AGK: variants seen among roughly 807,000 people sequenced by gnomAD.
AGK encodes the protein acylglycerol kinase, mitochondrial.
AGK carries 52 observed loss-of-function variants against 66.4 expected under a neutral mutation model. The ratio of observed to expected loss-of-function variants is 0.78; its 90% CI spans 0.63 to 0.99. The LOEUF (loss-of-function observed/expected upper bound fraction) is 0.99, where lower values mean the gene tolerates loss of function less well. Ranked by LOEUF, AGK falls within the 50% of genes least tolerant of loss-of-function variation. The pLI, the probability that AGK is intolerant of heterozygous loss-of-function variation, is 0.00. For missense variants in AGK, 451 were observed against 506.6 expected (o/e 0.89, Z 1.05); for synonymous variants, 182 against 181.1 (o/e 1.00, Z -0.04).
At chr7:141,608,276 G>A (rs1401463797) in intron 5 of AGK, among the ~76,000 whole-genome samples, 3 of 152,166 alleles carry the variant, frequency 2.0e-5, no homozygotes, top group East Asian at 3.9e-4. Flanking sequence ...CCTAATAGGG[G>A]TGTTATTTTA....
intron 2 of AGK, among the ~76,000 whole-genome samples, chr7:141,562,800 CT>C (rs1033568386): frequency 6.6e-6 from 1 of 152,240 alleles, no homozygotes; most frequent in Non-Finnish European, 1.5e-5. Flanking sequence ...GCAGGCAAGG[CT>C]TTCAGGCCAT....
chr7:141,579,077 A>G (rs111488245), intron 2 of AGK, among the ~76,000 whole-genome samples: 3 of 131,808 alleles, frequency 2.3e-5, no homozygotes, highest in African/African-American at 8.7e-5. Flanking sequence ...TTTGGGGCAC[A>G]GTCCAAGTTG....
chr7:141,646,173 T>C (rs1797407606), intron 13 of AGK, among the ~76,000 whole-genome samples: 2 of 151,854 alleles, frequency 1.3e-5, no homozygotes, highest in Admixed American at 6.6e-5. Context: ...GAGAGCCCCA[T>C]GGAGAGGAGA....
rs2117013133 is a variant in AGK at position 141,641,356 on chromosome 7, A to G, written c.835A>G (p.Ile279Val). The G allele has an allele frequency of 6.2e-7, 1 of 1,613,472 alleles. No homozygotes were observed. The highest frequency in any genetic ancestry group is 8.5e-7 in the Non-Finnish European group (1 of 1,179,806). ...ACAAAGGCCTTCTTTGTACAGGAGA[A>G]TATTACGAAGGCTTGCGTCCTACTG... ...PVQRPSLYRR[I>V]LRRLASYWAQ... Residue 279 changes from isoleucine (I) to valine (V), a missense_variant, in exon 12 of 16, where the codon ATA (isoleucine) becomes GTA (valine). Ile to Val is a conservative substitution (Grantham distance 29). Transcript: ENST00000649286.
At chr7:141,633,308 T>G (rs1797097929) in intron 9 of AGK, among the ~76,000 whole-genome samples, 1 of 152,200 alleles carries the variant, frequency 6.6e-6, no homozygotes, top group South Asian at 2.1e-4. Flanking sequence ...TTGGCTGTAT[T>G]GTGCATTTTT....
chr7:141,635,335 A>C (rs182657768), intron 10 of AGK, among the ~76,000 whole-genome samples: 1 of 152,340 alleles, frequency 6.6e-6, no homozygotes, highest in Non-Finnish European at 1.5e-5. Flanking sequence ...AAGACTACAA[A>C]GTCAGTGGCA....
At chr7:141,569,458 C>T (rs946671483) in intron 2 of AGK, among the ~76,000 whole-genome samples, 2 of 152,182 alleles carry the variant, frequency 1.3e-5, no homozygotes, top group African/African-American at 2.4e-5. Context: ...TGTTTGAACC[C>T]GGGAGGTGGA....
intron 2 of AGK, among the ~76,000 whole-genome samples, chr7:141,587,484 T>C (rs552028261): frequency 2.5e-4 from 38 of 152,340 alleles, no homozygotes; most frequent in African/African-American, 8.7e-4. Flanking sequence ...GAAAATGTCC[T>C]TGGTGACCTG....
At chr7:141,649,831 C>A (rs1368033913) in intron 14 of AGK, among the ~76,000 whole-genome samples, 2 of 152,230 alleles carry the variant, frequency 1.3e-5, no homozygotes, top group African/African-American at 2.4e-5. Flanking sequence ...TATGTCAGTT[C>A]ACCATGTCCT....
chr7:141,593,638 G>C, intron 3 of AGK: 1 of 497,032 alleles, frequency 2.0e-6, no homozygotes, highest in South Asian at 3.1e-5. Context: ...TCCATATCAT[G>C]TACACTGTTA....
In AGK at chr7:141,614,125, G is replaced by A. The variant is rs755026538; in HGVS notation, c.391-21G>A. 11 of 1,486,948 alleles carry A rather than the reference G, an allele frequency of 7.4e-6. No homozygotes were observed. The Admixed American group carries it at 1.9e-4, about 25-fold the overall frequency. The allele number at this position is 1,486,948 out of a possible 1,614,324, so 92.1% of individuals were successfully genotyped here. ...GGAAATACATATTATTTATAACAAT[G>A]TTTTATTATTACATTTGTAGGTTGT... On this transcript the variant is annotated intron_variant, in intron 6 of 15. Coordinates refer to ENST00000649286, the MANE Select transcript of AGK (RefSeq NM_018238.4).
intron 2 of AGK, chr7:141,562,006 A>G: frequency 2.2e-6 from 1 of 455,794 alleles, no homozygotes; most frequent in Non-Finnish European, 4.4e-6. Flanking sequence ...GAGTCCTGTG[A>G]TGTAATCCAT....
chr7:141,652,839 T>C lies in AGK; in HGVS notation c.1184T>C (p.Val395Ala), dbSNP rs2117036311. Reference protein sequence around the residue: ...IDSEEYEAMPVEVKLLPRKLQ... With the variant: ...IDSEEYEAMPAEVKLLPRKLQ... ...AGTGAGGAGTATGAAGCGATGCCTG[T>C]GGAGGTGAAACTGCTCCCCAGGAAG... The change falls in exon 16 of 16, where the codon GTG (valine) becomes GCG (alanine). Residue 395 changes from valine to alanine, a missense_variant. Physicochemically the swap from Val to Ala is moderately conservative, Grantham distance 64. Transcript: ENST00000649286. 1 of 1,613,804 alleles carries C rather than the reference T, an allele frequency of 6.2e-7. No homozygotes were observed. The highest frequency in any genetic ancestry group is 1.7e-5 in the Admixed American group (1 of 60,010).
intron 2 of AGK, among the ~76,000 whole-genome samples, chr7:141,561,330 T>G (rs1795346260): frequency 6.6e-6 from 1 of 152,234 alleles, no homozygotes; most frequent in Admixed American, 6.5e-5. Context: ...CTTTTAGTTA[T>G]TTAAGGAATC....
At chr7:141,611,145 C>T (rs749127080) in intron 5 of AGK, 50 bp from the exon 6 acceptor site, 2 of 1,265,368 alleles carry the variant, frequency 1.6e-6, no homozygotes, top group Non-Finnish European at 1.1e-6. Context: ...AACCTTTAAC[C>T]TTGTGGCTCT....
chr7:141,578,953 TGGC>T (rs1265361404), intron 2 of AGK, among the ~76,000 whole-genome samples: 1 of 150,730 alleles, frequency 6.6e-6, no homozygotes, highest in Non-Finnish European at 1.5e-5. Flanking sequence ...TCAGCTATGA[TGGC>T]TTGGAGAAAC....
intron 9 of AGK, among the ~76,000 whole-genome samples, chr7:141,626,344 AT>A (rs1796937743): frequency 6.6e-6 from 1 of 152,200 alleles, no homozygotes; most frequent in Admixed American, 6.5e-5. Context: ...GAAAATCGCC[AT>A]TTTTTAAATC....
intron 9 of AGK, among the ~76,000 whole-genome samples, chr7:141,627,872 T>G (rs1796970951): frequency 6.6e-6 from 1 of 152,212 alleles, no homozygotes. Flanking sequence ...CTGGAAATTC[T>G]TGCTGTGCTT....
chr7:141,563,072 G>T (rs770547792), intron 2 of AGK, among the ~76,000 whole-genome samples: 12 of 152,156 alleles, frequency 7.9e-5, no homozygotes, highest in African/African-American at 2.9e-4. Context: ...GGGGAATCAC[G>T]GTTTTTCGTC....
Sources: gnomAD v4.1 joint callset for allele counts (sites outside exome capture counted in the v4.1 genomes callset) on GRCh38, gnomAD v4.1.1 for gene constraint, MANE v1.5 for transcripts, NCBI Gene and HGNC (gene_info 2026-07-23, HGNC 2026-07-21) for gene names.